Variants in NEB observed in about 807,000 individuals in gnomAD.
NEB encodes nebulin.
NEB carries 512 observed loss-of-function variants against 952.2 expected under a neutral mutation model. The ratio of observed to expected loss-of-function variants is 0.54; its 90% CI spans 0.50 to 0.58. The LOEUF (loss-of-function observed/expected upper bound fraction) is 0.58. Ranked by LOEUF, NEB falls within the 20% of genes least tolerant of loss-of-function variation. NEB has a pLI of 0.00. For synonymous variants in NEB, 2,900 were observed against 3,149.8 expected, an observed-to-expected ratio of 0.92 and a Z score of 2.66; for missense variants, 8,428 against 9,231.1, an observed-to-expected ratio of 0.91 and a Z score of 3.56.
At chr2:151,627,379 A>G in intron 69 of NEB, 144 bp downstream of exon 69, 1 of 1,421,704 alleles carries the variant, frequency 7.0e-7, no homozygotes, top group Non-Finnish European at 9.5e-7. Context: ...CTCCAAAAAA[A>G]GTAAGGGGAA....
intron 138 of NEB, 100 bp downstream of exon 138, chr2:151,540,244 G>T: frequency 2.8e-6 from 2 of 724,136 alleles, no homozygotes; most frequent in Non-Finnish European, 4.3e-6. Flanking sequence ...CTAGGCCATG[G>T]TTTAGAACTA....
At position 151,570,327 on chromosome 2, in the gene NEB, AT is replaced by A; in HGVS notation, c.17183del (p.Asp5728ValfsTer10). Reference protein sequence around the residue: ...GHYVGTLTARDDNKIRWALIA... With the variant: ...GHYVGTLTARXDNKIRWALIA... ...TGAGGGCCCAGCGGATCTTGTTGTC[AT>A]CCCTGGCTGTGAGGGTGCCCACGTA... On this transcript the variant is annotated frameshift_variant, in exon 109 of 182. Coordinates refer to ENST00000397345, the MANE Select transcript of NEB (RefSeq NM_001164508.2). LOFTEE classifies it high-confidence loss of function. 1.2e-6 allele frequency: 2 copies of A among 1,607,088 alleles called. No homozygotes were observed. Among genetic ancestry groups the A allele is most frequent in the Non-Finnish European group, 1.7e-6 (2 of 1,174,922 alleles).
rs376085885 is a variant in NEB at position 151,729,609 on chromosome 2, C to T, written c.78+6G>A. The T allele has an allele frequency of 1.5e-5, 25 of 1,612,988 alleles. No individual in the cohort carries two copies. In the African/African-American group the frequency reaches 1.9e-4, roughly 12 times the overall value. ...GCAGTTTATGCAGCTGTGGGCTGGG[C>T]CTTACCTCTCCCGGCACCTCTTCGT... is the stretch of plus-strand genomic sequence containing the variant. On this transcript the variant is annotated splice_donor_region_variant and intron_variant, in intron 4 of 181. Transcript: ENST00000397345.
At chr2:151,640,869 T>A (rs2098838236) in intron 60 of NEB, among the ~76,000 whole-genome samples, 1 of 151,900 alleles carries the variant, frequency 6.6e-6, no homozygotes, top group South Asian at 2.1e-4. Flanking sequence ...ATATACCATA[T>A]AGATAGGCAT....
In NEB at chr2:151,667,853, T is replaced by C. The variant is rs774802662; in HGVS notation, c.4670A>G (p.Asp1557Gly). ...TTTTGCAGCAACAATTGGGATGGCATCTGGTCTCAAATCATAGCCCTTGGC... is the reference window on the plus strand; with the variant it reads ...TTTTGCAGCAACAATTGGGATGGCACCTGGTCTCAAATCATAGCCCTTGGC... ...TIAKGYDLRPDAIPIVAAKSS... is the reference protein window; with the variant it reads ...TIAKGYDLRPGAIPIVAAKSS... The change falls in exon 40 of 182, where the codon GAT (aspartate) becomes GGT (glycine). Residue 1557 changes from aspartate to glycine, a missense_variant. Physicochemically the swap from Asp to Gly is moderately conservative, Grantham distance 94 (BLOSUM62 -1). This residue lies in a region of NEB where 2,851 missense variants were observed against 2,791.5 expected (regional missense o/e 1.02). Transcript: ENST00000397345. 24 of 1,612,876 alleles carry C rather than the reference T, an allele frequency of 1.5e-5. No homozygotes were observed. Among genetic ancestry groups the C allele is most frequent in the Non-Finnish European group, 1.9e-5 (22 of 1,179,106 alleles).
In NEB at chr2:151,554,572, A is replaced by G. The variant is rs1023176671; in HGVS notation, c.19428+359T>C. 2.0e-5 allele frequency among the ~76,000 whole-genome samples: 3 copies of G among 152,170 alleles called. No homozygotes were observed. The South Asian group carries it at 6.2e-4, about 31-fold the overall frequency. ...GAGACCTGTCTTAAAAAGAAAAGAA[A>G]AGAAATGTTCCTATTAATAATACAT... On this transcript the variant is annotated intron_variant, in intron 125 of 181. Transcript: ENST00000397345.
At chr2:151,497,343 CAGTT>C (rs776263379) in intron 171 of NEB, 310 of 982,090 alleles carry the variant, frequency 3.2e-4, no homozygotes, top group Non-Finnish European at 3.6e-4. Flanking sequence ...GGATTTGAGA[CAGTT>C]AGAACTCAGT....
intron 145 of NEB, among the ~76,000 whole-genome samples, chr2:151,530,014 C>G (rs573018729): frequency 6.6e-6 from 1 of 152,274 alleles, no homozygotes; most frequent in East Asian, 1.9e-4. Flanking sequence ...CTTCTGTGCT[C>G]CGGCAGTTAT....
rs1429327707 is a variant in NEB at position 151,643,917 on chromosome 2, G to A, written c.7857C>T (p.Val2619=). 12 of 1,613,842 alleles carry A rather than the reference G, an allele frequency of 7.4e-6. No individual in the cohort carries two copies. The South Asian group carries it at 1.3e-4, about 18-fold the overall frequency. The part of the protein sequence containing the change: ...VVLAKKCQTL[V]SDVDYKNYLH... ...GGTAGTTCTTGTAGTCCACGTCGCT[G>A]ACTAAGGTCTGGCACTTCTTGGCCA... The change falls in exon 57 of 182, where the codon GTC becomes GTT. Residue 2619 remains valine (V), a synonymous_variant. Coordinates refer to ENST00000397345, the MANE Select transcript of NEB (RefSeq NM_001164508.2).
At chr2:151,500,043 T>C (rs2063245156) in intron 168 of NEB, among the ~76,000 whole-genome samples, 1 of 152,112 alleles carries the variant, frequency 6.6e-6, no homozygotes, top group African/African-American at 2.4e-5. Context: ...AGAAAATAAT[T>C]AGAAAATAAT....
intron 162 of NEB, 47 bp from the exon 163 acceptor site, chr2:151,507,060 GTTTTC>G (rs752975981): frequency 1.7e-6 from 2 of 1,180,098 alleles, no homozygotes; most frequent in Non-Finnish European, 2.5e-6. Flanking sequence ...ACATTGCTTT[GTTTTC>G]TTTATTTGTC....
chr2:151,631,624 A>T lies in NEB; in HGVS notation c.9415-278T>A, dbSNP rs565264927. 3.9e-5 allele frequency among the ~76,000 whole-genome samples: 6 copies of T among 152,262 alleles called. No individual in the cohort carries two copies. The South Asian group carries it at 1.2e-3, about 32-fold the overall frequency. On this transcript the variant is annotated intron_variant, in intron 65 of 181. Coordinates refer to ENST00000397345, the MANE Select transcript of NEB (RefSeq NM_001164508.2). ...CAGTGAACATTATCATAATTATAAC[A>T]TCCCTATGCAGGGAAGAATACCAAC...
chr2:151,697,460 G>T lies in NEB; in HGVS notation c.1258-3C>A. ...AAGTAGGAATCTTTATATTTTTTCT[G>T]CAAGACAAAACATACTTCATTTATT... On this transcript the variant is annotated splice_region_variant and splice_polypyrimidine_tract_variant and intron_variant, in intron 14 of 181. Coordinates refer to ENST00000397345, the MANE Select transcript of NEB (RefSeq NM_001164508.2). 6.2e-7 allele frequency: 1 copy of T among 1,609,670 alleles called. No homozygotes were observed. Among genetic ancestry groups the T allele is most frequent in the East Asian group, 2.2e-5 (1 of 44,846 alleles).
In NEB at chr2:151,710,748, G is replaced by C. The variant is rs1033224405; in HGVS notation, c.823-210C>G. On this transcript the variant is annotated intron_variant, in intron 10 of 181. Transcript: ENST00000397345. ...ATAGGGATAGAGAATGGAGAAAGAG[G>C]GTACTAACGCCCCCTCCCCTTGCTG... 5.3e-5 allele frequency among the ~76,000 whole-genome samples: 8 copies of C among 152,190 alleles called. No individual in the cohort carries two copies. In the East Asian group the frequency reaches 1.5e-3, roughly 29 times the overall value.
chr2:151,631,565 A>G (rs2154074621), intron 65 of NEB, among the ~76,000 whole-genome samples: 1 of 152,310 alleles, frequency 6.6e-6, no homozygotes, highest in South Asian at 2.1e-4. Context: ...TTAGGAGAGG[A>G]GTGATCCCAA....
intron 170 of NEB, 59 bp downstream of exon 170, chr2:151,498,201 T>G: frequency 6.5e-7 from 1 of 1,548,972 alleles, no homozygotes; most frequent in Admixed American, 2.0e-5. Flanking sequence ...TAAATAAATG[T>G]AAAGATCAGT....
In NEB at chr2:151,581,554, C is replaced by T. The variant is rs572782313; in HGVS notation, c.16213G>A (p.Ala5405Thr). 1.5e-5 allele frequency: 17 copies of T among 1,122,908 alleles called. No individual in the cohort carries two copies. Among genetic ancestry groups the T allele is most frequent in the South Asian group, 1.4e-4 (10 of 69,448 alleles). The allele number at this position is 1,122,908 out of a possible 1,614,324, so 69.6% of individuals were successfully genotyped here. A position where few individuals can be genotyped will look rare whatever the true frequency, so the allele number is the denominator to read the frequency against. The change falls in exon 103 of 182, where the codon GCT (alanine) becomes ACT (threonine). Residue 5405 changes from alanine (A) to threonine (T), a missense_variant. By Grantham distance (58) the Ala-to-Thr change is moderately conservative. Around this residue, in one of 11 missense-constraint regions of NEB, gnomAD observed 40 missense variants for 61.2 expected, o/e 0.65. Transcript: ENST00000397345. ...LYRDAWEKEK[A>T]NVNVPADTPL... Reference sequence around the variant, plus strand: ...GTGTCAGCTGGCACGTTCACATTAGCCTTCTCTTTCTCCCAGGCATCGCGA... The same window carrying T: ...GTGTCAGCTGGCACGTTCACATTAGTCTTCTCTTTCTCCCAGGCATCGCGA...
In NEB at chr2:151,687,628, C is replaced by A. The variant is rs377599060; in HGVS notation, c.2521G>T (p.Asp841Tyr). The change falls in exon 26 of 182, where the codon GAT (aspartate) becomes TAT (tyrosine). Residue 841 changes from aspartate (D) to tyrosine (Y), a missense_variant and splice_region_variant. Around this residue, in one of 11 missense-constraint regions of NEB, gnomAD observed 2,851 missense variants for 2,791.5 expected, o/e 1.02. Coordinates refer to ENST00000397345, the MANE Select transcript of NEB (RefSeq NM_001164508.2). ...AAKANTKNTS[D>Y]VMYKKDYEKS... ...CCAGGTCCCCAGGCCACACTCACAT[C>A]GCTGGTGTTCTTGGTGTTGGCTTTG... 6.2e-7 allele frequency: 1 copy of A among 1,613,114 alleles called. No homozygotes were observed. The highest frequency in any genetic ancestry group is 8.5e-7 in the Non-Finnish European group (1 of 1,179,360).
Position 151,684,871 on chromosome 2 carries a change from G to T in NEB, c.2742C>A (p.Asp914Glu). The change falls in exon 28 of 182, where the codon GAC (aspartate) becomes GAA (glutamate). Residue 914 changes from aspartate (D) to glutamate (E), a missense_variant. This residue lies in a region of NEB where 2,851 missense variants were observed against 2,791.5 expected (regional missense o/e 1.02). Coordinates refer to ENST00000397345, the MANE Select transcript of NEB (RefSeq NM_001164508.2). Reference sequence around the variant, plus strand: ...TGTGTAAGATGTGCTTATAATCAACGTCGCTGGCAATTGCCTGAGATTTCT... The same window carrying T: ...TGTGTAAGATGTGCTTATAATCAACTTCGCTGGCAATTGCCTGAGATTTCT... The part of the protein sequence containing the change: ...QAKKSQAIAS[D>E]VDYKHILHSY... 1.2e-6 allele frequency: 2 copies of T among 1,613,194 alleles called. No individual in the cohort carries two copies. Among genetic ancestry groups the T allele is most frequent in the South Asian group, 2.2e-5 (2 of 90,912 alleles).
Sources: allele counts gnomAD v4.1 joint callset (sites outside exome capture counted in the v4.1 genomes callset), GRCh38; gene constraint gnomAD v4.1.1; regional missense constraint gnomAD v4.1.1; transcripts MANE v1.5; gene names NCBI Gene and HGNC (gene_info 2026-07-23, HGNC 2026-07-21).